PSG8: variants seen among roughly 807,000 people sequenced by gnomAD.
The protein encoded by PSG8 is pregnancy-specific beta-1-glycoprotein 8.
Under a neutral mutation model 42.5 loss-of-function variants are expected in PSG8, and 57 were observed. The observed-to-expected ratio is 1.34, with a 90% CI of 1.08 to 1.67. PSG8 has a LOEUF of 1.67. PSG8 is among the 40% of genes most tolerant of loss of function. The pLI, the probability that PSG8 is intolerant of heterozygous loss-of-function variation, is 0.00. For synonymous variants in PSG8, 280 were observed against 196.8 expected, an observed-to-expected ratio of 1.42 and a Z score of -3.54; for missense variants, 783 against 518.6, an observed-to-expected ratio of 1.51 and a Z score of -4.95.
At chr19:42,761,492 G>A (rs548905008) in intron 2 of PSG8, among the ~76,000 whole-genome samples, 12 of 152,248 alleles carry the variant, frequency 7.9e-5, no homozygotes, top group Non-Finnish European at 1.5e-4. Flanking sequence ...CGTGAGATTG[G>A]TCTTTTGAGA....
intron 2 of PSG8, among the ~76,000 whole-genome samples, chr19:42,759,889 A>T (rs1407603031): frequency 6.6e-6 from 1 of 152,194 alleles, no homozygotes; most frequent in Non-Finnish European, 1.5e-5. Flanking sequence ...GCTCAAAGAA[A>T]GATGCCAATG....
intron 2 of PSG8, among the ~76,000 whole-genome samples, chr19:42,762,631 T>C (rs1391215432): frequency 1.3e-5 from 2 of 152,036 alleles, no homozygotes. Flanking sequence ...GGTCCTCTCC[T>C]TGATCCTCTC....
At position 42,764,151 on chromosome 19, in the gene PSG8, G is replaced by A. The variant is rs1268582716; in HGVS notation, c.195C>T (p.Tyr65=). The A allele has an allele frequency of 4.3e-6, 7 of 1,613,782 alleles. No homozygotes were observed. The South Asian group carries it at 5.5e-5, about 13-fold the overall frequency. ...VHNLPQNLTG[Y]IWYKGQIRDL... The stretch of plus-strand genomic sequence containing the variant: ...CCCTGATTTGCCCTTTGTACCAGAT[G>A]TAGCCAGTAAGATTCTGGGGCAAAT... Residue 65 remains tyrosine, a synonymous_variant, in exon 2 of 5, where the codon TAC becomes TAT. Transcript: ENST00000306511.
chr19:42,764,301 T>G lies in PSG8; in HGVS notation c.65-20A>C. 6.2e-7 allele frequency: 1 copy of G among 1,606,140 alleles called. No homozygotes were observed. The highest frequency in any genetic ancestry group is 8.5e-7 in the Non-Finnish European group (1 of 1,176,220). On this transcript the variant is annotated intron_variant, in intron 1 of 4. Coordinates refer to ENST00000306511, the MANE Select transcript of PSG8 (RefSeq NM_182707.3). ...GTGATGCTAGGAGGTGGAGAGAGCA[T>G]CAGTCAATATTGAGAGCTATGTATT...
At chr19:42,764,959 A>G (rs934746024) in intron 1 of PSG8, among the ~76,000 whole-genome samples, 1 of 151,982 alleles carries the variant, frequency 6.6e-6, no homozygotes, top group African/African-American at 2.4e-5. Flanking sequence ...GTGAAGTGTC[A>G]TCTGATACAG....
intron 2 of PSG8, among the ~76,000 whole-genome samples, chr19:42,761,876 C>T (rs1243600616): frequency 6.6e-5 from 7 of 105,766 alleles, no homozygotes; most frequent in Admixed American, 4.6e-4. Flanking sequence ...GAAGAACTTG[C>T]CTGGCAATTA....
At chr19:42,753,273 C>T (rs1189090951), downstream of PSG8, 3 of 779,524 alleles carry the variant, frequency 3.8e-6, no homozygotes, top group African/African-American at 3.4e-5. Flanking sequence ...AGTTGTCCAC[C>T]TCCAGCTTAT....
intron 2 of PSG8, among the ~76,000 whole-genome samples, chr19:42,759,519 T>C (rs867291149): frequency 6.6e-6 from 1 of 152,224 alleles, no homozygotes; most frequent in Non-Finnish European, 1.5e-5. Context: ...TGTACTGGTT[T>C]AGCATCCCAA....
rs527497075 is a variant in PSG8 at position 42,754,800 on chromosome 19, A to C, written c.988+188T>G. The C allele has an allele frequency of 6.0e-5, 87 of 1,442,966 alleles. 1 individual carries two copies. The highest frequency in any genetic ancestry group is 1.7e-4 in the East Asian group (7 of 42,254). 89.4% of individuals were successfully genotyped at this position (1,442,966 alleles called of 1,614,324 possible). On this transcript the variant is annotated intron_variant, in intron 4 of 4. Coordinates refer to ENST00000306511, the MANE Select transcript of PSG8 (RefSeq NM_182707.3). ...CAAGTCTCCCATGACAAGAGCGTCC[A>C]CTCCCCTTATACTCTTGGTTAAGGC...
At chr19:42,764,431 AG>A (rs1012210723) in intron 1 of PSG8, 150 bp from the exon 2 acceptor site, 1 of 1,361,950 alleles carries the variant, frequency 7.3e-7, no homozygotes, top group African/African-American at 1.5e-5. Flanking sequence ...CACACACAAA[AG>A]CGGCATGTGT....
At position 42,754,279 on chromosome 19, in the gene PSG8, G is replaced by A; in HGVS notation, c.*16C>T. The stretch of plus-strand genomic sequence containing the variant: ...ATGTTTTCCTGACTCTTCCCTGAAG[G>A]CCAGATAGACTCCACCTAAATCCCT... On this transcript the variant is annotated 3_prime_UTR_variant, in exon 5 of 5. Transcript: ENST00000306511. 1.9e-6 allele frequency: 3 copies of A among 1,611,398 alleles called. No homozygotes were observed. The highest frequency in any genetic ancestry group is 1.1e-5 in the South Asian group (1 of 90,900).
rs375100571 is a variant in PSG8, at chr19:42,757,094, G to A, written c.709+908C>T. On this transcript the variant is annotated intron_variant, in intron 3 of 4. Transcript: ENST00000306511. ...TCCAAAATATTTTATTCCTTTTGATGTTAATGTGAACTGAAATTCTTTCCT... is the reference window on the plus strand; with the variant it reads ...TCCAAAATATTTTATTCCTTTTGATATTAATGTGAACTGAAATTCTTTCCT... 2.4e-3 allele frequency among the ~76,000 whole-genome samples: 362 copies of A among 152,180 alleles called. 1 individual carries two copies. The highest frequency in any genetic ancestry group is 3.7e-3 in the Non-Finnish European group (255 of 68,006).
chr19:42,763,840 G>C (rs1288330062), intron 2 of PSG8, 76 bp downstream of exon 2: 1 of 1,609,070 alleles, frequency 6.2e-7, no homozygotes, highest in Non-Finnish European at 8.5e-7. Flanking sequence ...CAATGTCCAG[G>C]CCTGACAATC....
intron 2 of PSG8, among the ~76,000 whole-genome samples, 163 bp from the exon 3 acceptor site, chr19:42,758,443 G>A (rs1425486395): frequency 6.6e-6 from 1 of 152,114 alleles, no homozygotes; most frequent in Non-Finnish European, 1.5e-5. Flanking sequence ...CAATCTGAGG[G>A]CTCAGAGGTT....
chr19:42,764,492 TC>T (rs1487653266), intron 1 of PSG8, among the ~76,000 whole-genome samples: 1 of 151,802 alleles, frequency 6.6e-6, no homozygotes, highest in Non-Finnish European at 1.5e-5. Flanking sequence ...TAGGTCAAGG[TC>T]AGCCCCATGA....
chr19:42,760,194 T>A (rs1316818983), intron 2 of PSG8, among the ~76,000 whole-genome samples: 4 of 152,130 alleles, frequency 2.6e-5, no homozygotes, highest in Non-Finnish European at 5.9e-5. Context: ...GAGATGGCAA[T>A]GGCTCATGTG....
chr19:42,759,397 G>C (rs1350777409), intron 2 of PSG8, among the ~76,000 whole-genome samples: 1 of 152,146 alleles, frequency 6.6e-6, no homozygotes. Context: ...GAGATCTCCT[G>C]TACAGCCTCA....
intron 2 of PSG8, among the ~76,000 whole-genome samples, chr19:42,759,428 A>G (rs1970018262): frequency 6.6e-6 from 1 of 152,190 alleles, no homozygotes; most frequent in African/African-American, 2.4e-5. Context: ...TCATACAGAT[A>G]AAGTGCTCCT....
intron 2 of PSG8, among the ~76,000 whole-genome samples, chr19:42,759,927 TAG>T (rs1273465223): frequency 6.6e-6 from 1 of 152,008 alleles, no homozygotes; most frequent in Non-Finnish European, 1.5e-5. Flanking sequence ...ACTCCTTAAG[TAG>T]AGAGAGTCCC....
Sources: gnomAD v4.1 joint callset for allele counts (sites outside exome capture counted in the v4.1 genomes callset) on GRCh38, gnomAD v4.1.1 for gene constraint, MANE v1.5 for transcripts, NCBI Gene and HGNC (gene_info 2026-07-23, HGNC 2026-07-21) for gene names.